ZC3H3: variants seen among roughly 807,000 people sequenced by gnomAD.
ZC3H3 encodes the protein zinc finger CCCH-type containing 3, also known as zinc finger CCCH domain-containing protein 3.
ZC3H3 carries 36 observed loss-of-function variants against 77.3 expected under a neutral mutation model. The observed-to-expected ratio is 0.47, with a 90% CI of 0.36 to 0.61. The LOEUF is 0.61. Ranked by LOEUF, ZC3H3 falls within the 20% of genes least tolerant of loss-of-function variation. ZC3H3 has a pLI of 0.00. For missense variants in ZC3H3, 1,331 were observed against 1,312.2 expected, an observed-to-expected ratio of 1.01 and a Z score of -0.22; for synonymous variants, 626 against 555.2, an observed-to-expected ratio of 1.13 and a Z score of -1.79.
intron 4 of ZC3H3, among the ~76,000 whole-genome samples, chr8:143,479,452 G>A (rs142670440): frequency 5.8e-4 from 88 of 152,298 alleles, no homozygotes; most frequent in Admixed American, 1.8e-3. Context: ...TTCCTTTTCC[G>A]CAACGGGAGC....
intron 4 of ZC3H3, among the ~76,000 whole-genome samples, chr8:143,491,756 G>A (rs1187599127): frequency 6.6e-6 from 1 of 152,250 alleles, no homozygotes; most frequent in Non-Finnish European, 1.5e-5. Context: ...AGGGGAGGCA[G>A]AGGCCGTGCA....
chr8:143,456,749 T>C (rs753762514), intron 9 of ZC3H3, among the ~76,000 whole-genome samples: 6 of 152,128 alleles, frequency 3.9e-5, no homozygotes, highest in Non-Finnish European at 7.3e-5. Context: ...ATGCCTGTAG[T>C]CCTAGCTACT....
chr8:143,483,598 G>A lies in ZC3H3; in HGVS notation c.1716-8013C>T, dbSNP rs566589742. On this transcript the variant is annotated intron_variant, in intron 4 of 11. Coordinates refer to ENST00000262577, the MANE Select transcript of ZC3H3 (RefSeq NM_015117.3). ...CAGTGGGGGTGCTAGGCGGGCTCCC[G>A]GCTCCTGGACCCTGCCCCCACGATC... is the stretch of plus-strand genomic sequence containing the variant. Among the ~76,000 whole-genome samples, 388 of 152,292 alleles carry A rather than the reference G, an allele frequency of 2.5e-3. 1 individual carries two copies. The highest frequency in any genetic ancestry group is 4.4e-3 in the Non-Finnish European group (302 of 68,012).
chr8:143,446,707 C>T (rs1819869751), intron 9 of ZC3H3, among the ~76,000 whole-genome samples: 2 of 152,232 alleles, frequency 1.3e-5, no homozygotes, highest in Non-Finnish European at 2.9e-5. Flanking sequence ...AGCACAGAGG[C>T]CCGTCCAAGC....
chr8:143,538,200 AGAG>A lies in ZC3H3; in HGVS notation c.1164_1166del (p.Ser391del). On this transcript the variant is annotated inframe_deletion, in exon 2 of 12. Transcript: ENST00000262577. ...CCTCCGACTGCCAACGGAAGGAGGA[AGAG>A]GAGGAGGCAGAGGGGCTGGAGGCCT... is the stretch of plus-strand genomic sequence containing the variant. 1 of 1,612,940 alleles carries A rather than the reference AGAG, an allele frequency of 6.2e-7. No individual in the cohort carries two copies. Among genetic ancestry groups the A allele is most frequent in the Non-Finnish European group, 8.5e-7 (1 of 1,179,954 alleles).
Position 143,532,661 on chromosome 8 carries a change from T to C in ZC3H3, c.1561+3596A>G, listed in dbSNP as rs545900926. The stretch of plus-strand genomic sequence containing the variant: ...CTGGCTCACCAGAGCACTGCAGCGT[T>C]CAACGAAACAAAGCTGGGCCCTGCC... On this transcript the variant is annotated intron_variant, in intron 3 of 11. Transcript: ENST00000262577. Among the ~76,000 whole-genome samples the C allele has an allele frequency of 4.8e-4, 73 of 152,336 alleles. 1 individual carries two copies. The highest frequency in any genetic ancestry group is 1.5e-3 in the Admixed American group (23 of 15,306).
rs570624567 is a variant in ZC3H3 at position 143,455,431 on chromosome 8, G to A, written c.2307+10286C>T. On this transcript the variant is annotated intron_variant, in intron 9 of 11. Transcript: ENST00000262577. ...GAATCGCTTGAACCCGGAAGGCAGA[G>A]GTTGCAGTGGACAGAGGTTGTGCCA... 2.0e-5 allele frequency among the ~76,000 whole-genome samples: 3 copies of A among 152,130 alleles called. No homozygotes were observed. In the South Asian group the frequency reaches 6.2e-4, roughly 32 times the overall value.
chr8:143,512,891 G>C (rs898309474), intron 3 of ZC3H3, among the ~76,000 whole-genome samples: 2 of 152,214 alleles, frequency 1.3e-5, no homozygotes, highest in Non-Finnish European at 1.5e-5. Context: ...TACACGCAGC[G>C]GGCAGGACCC....
intron 3 of ZC3H3, among the ~76,000 whole-genome samples, chr8:143,516,744 CAT>C (rs1355345660): frequency 8.5e-5 from 13 of 152,330 alleles, no homozygotes; most frequent in Admixed American, 2.6e-4. Context: ...TGGCCAGCCA[CAT>C]GAGAGGATGG....
intron 4 of ZC3H3, among the ~76,000 whole-genome samples, chr8:143,485,171 T>C (rs1280650309): frequency 6.6e-6 from 1 of 151,996 alleles, no homozygotes; most frequent in Non-Finnish European, 1.5e-5. Context: ...GGAGCATGAG[T>C]CCCCCTGGTG....
chr8:143,439,439 G>C (rs1309803361), intron 11 of ZC3H3, among the ~76,000 whole-genome samples: 2 of 152,190 alleles, frequency 1.3e-5, no homozygotes, highest in African/African-American at 4.8e-5. Flanking sequence ...CAAACGCGCG[G>C]AGAGCTGTAA....
intron 9 of ZC3H3, among the ~76,000 whole-genome samples, chr8:143,454,144 T>G (rs1010255027): frequency 2.0e-5 from 3 of 150,520 alleles, no homozygotes; most frequent in Non-Finnish European, 4.4e-5. Context: ...TGCAGTGGTG[T>G]GATCTCGGCT....
rs918706710 is a variant in ZC3H3, at chr8:143,477,530, G to T, written c.1716-1945C>A. ...GTCCCAGTGCAGCCCCGGCCTCCAG[G>T]TGCCTGCAGGCCCAGCAGGTGCATG... On this transcript the variant is annotated intron_variant, in intron 4 of 11. Coordinates refer to ENST00000262577, the MANE Select transcript of ZC3H3 (RefSeq NM_015117.3). 7.9e-5 allele frequency among the ~76,000 whole-genome samples: 12 copies of T among 152,194 alleles called. 1 individual carries two copies. The highest frequency in any genetic ancestry group is 2.9e-4 in the African/African-American group (12 of 41,456).
chr8:143,513,557 A>C (rs1207465431), intron 3 of ZC3H3, among the ~76,000 whole-genome samples: 1 of 152,166 alleles, frequency 6.6e-6, no homozygotes, highest in Non-Finnish European at 1.5e-5. Flanking sequence ...ACTCCAACAG[A>C]GCATGTGGCC....
intron 5 of ZC3H3, among the ~76,000 whole-genome samples, chr8:143,470,224 T>C (rs1820526192): frequency 6.6e-6 from 1 of 152,224 alleles, no homozygotes; most frequent in South Asian, 2.1e-4. Flanking sequence ...CCCTGCCTAC[T>C]GTCCCCACTC....
chr8:143,449,020 C>T (rs372444241), intron 9 of ZC3H3, among the ~76,000 whole-genome samples: 1 of 152,370 alleles, frequency 6.6e-6, no homozygotes, highest in South Asian at 2.1e-4. Context: ...CTTTGAGCCA[C>T]AGCTGGAGCT....
chr8:143,494,535 G>A lies in ZC3H3; in HGVS notation c.1715+13211C>T, dbSNP rs1821292270. ...GCCCACACAAGGCCCGGGCAGGTCA[G>A]GGCCTCAGAGCACAGCGGCGCCGGC... On this transcript the variant is annotated intron_variant, in intron 4 of 11. Coordinates refer to ENST00000262577, the MANE Select transcript of ZC3H3 (RefSeq NM_015117.3). This position sits in a 1 kb window ranked among gnomAD's most constrained non-coding sequence, Gnocchi z 5.3. Among the ~76,000 whole-genome samples the A allele has an allele frequency of 1.3e-5, 2 of 152,204 alleles. No homozygotes were observed. Among genetic ancestry groups the A allele is most frequent in the African/African-American group, 4.8e-5 (2 of 41,458 alleles).
intron 4 of ZC3H3, among the ~76,000 whole-genome samples, chr8:143,495,016 G>T (rs1049999183): frequency 2.0e-5 from 3 of 152,164 alleles, no homozygotes; most frequent in East Asian, 3.9e-4. Context: ...AAAGGGTCGC[G>T]GCACGCTGGA....
chr8:143,479,642 C>A (rs905255917), intron 4 of ZC3H3, among the ~76,000 whole-genome samples: 1 of 152,212 alleles, frequency 6.6e-6, no homozygotes, highest in Non-Finnish European at 1.5e-5. Context: ...CCCTTCAAAT[C>A]CATTTCTAAT....
Sources: gnomAD v4.1 joint callset for allele counts (sites outside exome capture counted in the v4.1 genomes callset) on GRCh38, gnomAD v4.1.1 for gene constraint, Gnocchi (gnomAD v3.1) non-coding constraint, MANE v1.5 for transcripts, NCBI Gene and HGNC (gene_info 2026-07-23, HGNC 2026-07-21) for gene names.